The following PRKN variants were observed in gnomAD, a reference collection of about 807,000 sequenced individuals.
The protein encoded by PRKN is parkin RBR E3 ubiquitin protein ligase, also known as E3 ubiquitin-protein ligase parkin.
A neutral mutation model predicts 59.5 loss-of-function variants in PRKN; 56 were observed. The ratio of observed to expected loss-of-function variants is 0.94; its 90% confidence interval spans 0.76 to 1.18. PRKN has a LOEUF of 1.18. Ranked by LOEUF, PRKN falls within the 50% of genes most tolerant of loss-of-function variation. PRKN has a pLI of 0.00. For synonymous variants in PRKN, 250 were observed against 222.1 expected (o/e 1.13, Z -1.12); for missense variants, 657 against 596.4 (o/e 1.10, Z -1.06).
At chr6:161,863,508 T>A (rs184259589) in intron 6 of PRKN, among the ~76,000 whole-genome samples, 1 of 152,142 alleles carries the variant, frequency 6.6e-6, no homozygotes, top group East Asian at 1.9e-4. Flanking sequence ...GTCCTACTCT[T>A]AAGAAAAGTG....
intron 1 of PRKN, among the ~76,000 whole-genome samples, chr6:162,644,189 G>A (rs919394155): frequency 6.6e-6 from 1 of 151,954 alleles, no homozygotes; most frequent in African/African-American, 2.4e-5. Flanking sequence ...TAGTTCCCAG[G>A]ACCCTGCCTG....
chr6:161,628,369 T>C (rs1019385196), intron 7 of PRKN, among the ~76,000 whole-genome samples: 2 of 152,202 alleles, frequency 1.3e-5, no homozygotes, highest in Admixed American at 6.5e-5. Flanking sequence ...ATGAGTGCTG[T>C]CTTCTTGCTG....
chr6:161,902,780 C>A (rs1777983632), intron 6 of PRKN, among the ~76,000 whole-genome samples: 1 of 152,096 alleles, frequency 6.6e-6, no homozygotes, highest in Non-Finnish European at 1.5e-5. Flanking sequence ...TGGTCTCAAA[C>A]TCCTGTCCTC....
chr6:162,153,610 G>A (rs923732702), intron 4 of PRKN, among the ~76,000 whole-genome samples: 1 of 152,178 alleles, frequency 6.6e-6, no homozygotes, highest in Non-Finnish European at 1.5e-5. Context: ...GAAGAATAAG[G>A]TTACCTAGAC....
Position 161,518,695 on chromosome 6 carries a change from G to C in PRKN, c.1083+30159C>G, listed in dbSNP as rs559078197. On this transcript the variant is annotated intron_variant, in intron 9 of 11. Coordinates refer to ENST00000366898, the MANE Select transcript of PRKN (RefSeq NM_004562.3). This position sits in a 1 kb window ranked among gnomAD's most constrained non-coding sequence, Gnocchi z 5.0. ...CACGGCTCCTGTCCAGGGGCCCATT[G>C]CAAGTTTCCACACATCCTCCTGCCT... Among the ~76,000 whole-genome samples, 32 of 152,344 alleles carry C rather than the reference G, an allele frequency of 2.1e-4. No individual in the cohort carries two copies. Among genetic ancestry groups the C allele is most frequent in the African/African-American group, 7.7e-4 (32 of 41,572 alleles).
intron 7 of PRKN, among the ~76,000 whole-genome samples, chr6:161,645,642 T>C (rs1474242214): frequency 6.6e-6 from 1 of 152,254 alleles, no homozygotes; most frequent in Non-Finnish European, 1.5e-5. Flanking sequence ...AGATGGATGT[T>C]AATGTCCTAG....
At chr6:162,727,609 T>A in intron 1 of PRKN, 53 bp downstream of exon 1, 3 of 1,552,058 alleles carry the variant, frequency 1.9e-6, no homozygotes, top group Non-Finnish European at 2.6e-6. Flanking sequence ...CGTGGCGCCA[T>A]ACCGGGGCGT....
chr6:162,476,165 C>A (rs9356024), intron 1 of PRKN, among the ~76,000 whole-genome samples: 46,284 of 150,652 alleles, frequency 0.31, 7,232 homozygotes, highest in East Asian at 0.48. Flanking sequence ...TCAAACGATT[C>A]TCCTGCCTCA....
At chr6:162,249,669 A>T (rs1779343601) in intron 3 of PRKN, among the ~76,000 whole-genome samples, 1 of 151,268 alleles carries the variant, frequency 6.6e-6, no homozygotes. Context: ...CTTAAAAAAA[A>T]ATCTCAGGCA....
intron 5 of PRKN, among the ~76,000 whole-genome samples, chr6:161,996,279 C>A (rs1472188494): frequency 6.6e-6 from 1 of 152,058 alleles, no homozygotes; most frequent in Non-Finnish European, 1.5e-5. Flanking sequence ...TTATGTTAAG[C>A]AAAATAAGCC....
chr6:162,409,930 C>T (rs1458176994), intron 2 of PRKN, among the ~76,000 whole-genome samples: 2 of 152,178 alleles, frequency 1.3e-5, no homozygotes, highest in Non-Finnish European at 2.9e-5. Context: ...TGCAACCATG[C>T]TGTTTAAAAG....
chr6:161,573,755 A>ATT lies in PRKN; in HGVS notation c.872-4340_872-4339insAA, dbSNP rs1434719917. 4.7e-3 allele frequency among the ~76,000 whole-genome samples: 142 copies of ATT among 30,348 alleles called. 8 individuals are homozygous for ATT. Among genetic ancestry groups the ATT allele is most frequent in the Middle Eastern group, 0.038 (1 of 26 alleles). 19.9% of individuals were successfully genotyped at this position (30,348 alleles called of 152,430 possible). A position where few individuals can be genotyped will look rare whatever the true frequency, so the allele number is the denominator to read the frequency against. ...AAAAAAAAAAAAAAAAAAAAAAAAA[A>ATT]ATATATATATATATATATATATATA... On this transcript the variant is annotated intron_variant, in intron 7 of 11. Coordinates refer to ENST00000366898, the MANE Select transcript of PRKN (RefSeq NM_004562.3).
intron 6 of PRKN, among the ~76,000 whole-genome samples, chr6:161,968,724 T>C (rs1234603604): frequency 6.6e-6 from 1 of 152,162 alleles, no homozygotes; most frequent in African/African-American, 2.4e-5. Flanking sequence ...AAACACCCTT[T>C]TATTTTTAAG....
intron 7 of PRKN, among the ~76,000 whole-genome samples, chr6:161,608,892 T>C (rs1166245503): frequency 1.3e-5 from 2 of 152,166 alleles, no homozygotes; most frequent in Non-Finnish European, 2.9e-5. Flanking sequence ...ATTTATTTTA[T>C]TATTATTACT....
intron 7 of PRKN, among the ~76,000 whole-genome samples, chr6:161,771,364 A>G (rs1408979441): frequency 4.2e-5 from 4 of 95,570 alleles, no homozygotes; most frequent in Non-Finnish European, 8.7e-5. Flanking sequence ...TCAAAAAAAA[A>G]AAAAAAATAA....
At chr6:162,181,157 T>C (rs1454027009) in intron 4 of PRKN, among the ~76,000 whole-genome samples, 1 of 152,046 alleles carries the variant, frequency 6.6e-6, no homozygotes, top group Non-Finnish European at 1.5e-5. Flanking sequence ...GGGTAGGAAA[T>C]GTTGACCCAG....
At chr6:161,826,495 G>A (rs1224132212) in intron 6 of PRKN, among the ~76,000 whole-genome samples, 16 of 152,072 alleles carry the variant, frequency 1.1e-4, no homozygotes, top group Admixed American at 8.5e-4. Flanking sequence ...ATGTACAAAT[G>A]CAAAAGTGAA....
chr6:162,680,195 TGAG>T (rs1312077845), intron 1 of PRKN, among the ~76,000 whole-genome samples: 4 of 151,102 alleles, frequency 2.6e-5, no homozygotes, highest in Non-Finnish European at 5.9e-5. Context: ...AAATAATATT[TGAG>T]GAAGAAAAGA....
intron 5 of PRKN, among the ~76,000 whole-genome samples, chr6:162,040,692 T>C (rs1784035380): frequency 6.6e-6 from 1 of 151,096 alleles, no homozygotes; most frequent in Non-Finnish European, 1.5e-5. Flanking sequence ...GTGCTGGGAT[T>C]ACAGGGGTGA....
Sources: allele counts gnomAD v4.1 joint callset (sites outside exome capture counted in the v4.1 genomes callset), GRCh38; gene constraint gnomAD v4.1.1; non-coding constraint Gnocchi (gnomAD v3.1); transcripts MANE v1.5; gene names NCBI Gene and HGNC (gene_info 2026-07-23, HGNC 2026-07-21).